The following RIMKLA variants were observed in gnomAD, a reference collection of about 807,000 sequenced individuals.
RIMKLA encodes N-acetylaspartylglutamate synthase A.
RIMKLA carries 14 observed loss-of-function variants against 32.7 expected under a neutral mutation model. That is an observed-to-expected ratio of 0.43 (90% CI 0.28 to 0.67). RIMKLA has a LOEUF of 0.67. RIMKLA is among the 30% of genes least tolerant of loss of function. The pLI is 0.18. For missense variants in RIMKLA, 410 were observed against 519.0 expected (o/e 0.79, Z 2.04); for synonymous variants, 176 against 204.1 (o/e 0.86, Z 1.18).
Position 42,420,088 on chromosome 1 carries a change from G to A in RIMKLA, c.*5114G>A, listed in dbSNP as rs1208438714. 6.6e-6 allele frequency: 1 copy of A among 152,156 alleles called. No individual in the cohort carries two copies. The highest frequency in any genetic ancestry group is 2.4e-5 in the African/African-American group (1 of 41,414). The allele number at this position is 152,156 out of a possible 1,614,324, so 9.4% of individuals were successfully genotyped here. ...GATTCATCCCTATTGTAACCCAAAT[G>A]TCAGCTGAGGGCTCCTTGCCTCTTG... On this transcript the variant is annotated 3_prime_UTR_variant, in exon 5 of 5. Coordinates refer to ENST00000431473, the MANE Select transcript of RIMKLA (RefSeq NM_173642.4).
In RIMKLA at chr1:42,419,813, G is replaced by A. The variant is rs1202269706; in HGVS notation, c.*4839G>A. ...ACTCTACCCCACACTTTCAGTGGTG[G>A]GATGTGAGGAAGAAAGCCCATGCCA... On this transcript the variant is annotated 3_prime_UTR_variant, in exon 5 of 5. Transcript: ENST00000431473. The A allele has an allele frequency of 1.3e-5, 2 of 152,192 alleles. No individual in the cohort carries two copies. Among genetic ancestry groups the A allele is most frequent in the African/African-American group, 2.4e-5 (1 of 41,442 alleles). 9.4% of individuals were successfully genotyped at this position (152,192 alleles called of 1,614,324 possible). A position where few individuals can be genotyped will look rare whatever the true frequency, so the allele number is the denominator to read the frequency against.
At chr1:42,410,289 A>G in intron 4 of RIMKLA, 102 bp downstream of exon 4, 4 of 920,398 alleles carry the variant, frequency 4.3e-6, no homozygotes, top group Non-Finnish European at 6.7e-6. Flanking sequence ...AGACACCAGG[A>G]TCTCACAGAT....
At chr1:42,404,666 A>G in intron 3 of RIMKLA, 69 bp downstream of exon 3, 1 of 991,196 alleles carries the variant, frequency 1.0e-6, no homozygotes, top group Non-Finnish European at 1.6e-6. Context: ...CCTGGACAAG[A>G]CACTCCTCAA....
chr1:42,391,162 G>A (rs1024618170), intron 1 of RIMKLA, among the ~76,000 whole-genome samples: 1 of 152,320 alleles, frequency 6.6e-6, no homozygotes, highest in Admixed American at 6.5e-5. Context: ...GGTAGCTGAG[G>A]TGGGATGGTG....
chr1:42,388,517 GT>G (rs35842187), intron 1 of RIMKLA, among the ~76,000 whole-genome samples: 58,152 of 131,682 alleles, frequency 0.44, 12,123 homozygotes, highest in Middle Eastern at 0.58. Context: ...CTGAAAGCTT[GT>G]TTTTTTTTTT....
At chr1:42,398,987 AAAAAG>A (rs1643071454) in intron 1 of RIMKLA, among the ~76,000 whole-genome samples, 1 of 151,512 alleles carries the variant, frequency 6.6e-6, no homozygotes, top group African/African-American at 2.4e-5. Flanking sequence ...AAAAAAAAAA[AAAAAG>A]GGCTATATAA....
At position 42,413,501 on chromosome 1, in the gene RIMKLA, CAAAAAAA is replaced by C. The variant is rs201462707; in HGVS notation, c.686-966_686-960del. ...CCTAGGTGACAGAGTAAGAGTCTCTCAAAAAAAAAAAAAAAAAAAAAAAGAAAGAAAA... is the reference window on the plus strand; with the variant it reads ...CCTAGGTGACAGAGTAAGAGTCTCTCAAAAAAAAAAAAAAAAGAAAGAAAA... On this transcript the variant is annotated intron_variant, in intron 4 of 4. Transcript: ENST00000431473. Among the ~76,000 whole-genome samples the C allele has an allele frequency of 8.1e-3, 1,018 of 125,504 alleles. 6 individuals carry two copies. Among genetic ancestry groups the C allele is most frequent in the East Asian group, 0.04 (132 of 3,332 alleles). 82.3% of individuals were successfully genotyped at this position (125,504 alleles called of 152,430 possible).
At chr1:42,405,651 A>G (rs1161893592) in intron 3 of RIMKLA, among the ~76,000 whole-genome samples, 2 of 152,236 alleles carry the variant, frequency 1.3e-5, no homozygotes, top group African/African-American at 2.4e-5. Context: ...CCATGTCTCA[A>G]AAAACAAAAA....
chr1:42,416,722 A>G lies in RIMKLA; in HGVS notation c.*1748A>G, dbSNP rs1473975765. 1 of 152,240 alleles carries G rather than the reference A, an allele frequency of 6.6e-6. No homozygotes were observed. The highest frequency in any genetic ancestry group is 6.5e-5 in the Admixed American group (1 of 15,286). The allele number at this position is 152,240 out of a possible 1,614,324, so 9.4% of individuals were successfully genotyped here. On this transcript the variant is annotated 3_prime_UTR_variant, in exon 5 of 5. Coordinates refer to ENST00000431473, the MANE Select transcript of RIMKLA (RefSeq NM_173642.4). ...ACCGTACTTACTCTGCCATAAATGT[A>G]AAATGTGTATAAAGTTAAGCTATTG...
intron 1 of RIMKLA, among the ~76,000 whole-genome samples, chr1:42,385,883 T>TTTCC (rs1273695154): frequency 1.6e-4 from 14 of 90,246 alleles, no homozygotes; most frequent in African/African-American, 6.0e-4. Flanking sequence ...TCTTTCTTTC[T>TTTCC]TTCTTTCTTT....
chr1:42,420,118 C>T lies in RIMKLA; in HGVS notation c.*5144C>T, dbSNP rs1643282622. The stretch of plus-strand genomic sequence containing the variant: ...CTGAGGGCTCCTTGCCTCTTGACAT[C>T]CAGAGAGGTCTGATAACTGGGCTCT... On this transcript the variant is annotated 3_prime_UTR_variant, in exon 5 of 5. Transcript: ENST00000431473. The T allele has an allele frequency of 1.3e-5, 2 of 152,344 alleles. No homozygotes were observed. The highest frequency in any genetic ancestry group is 6.5e-5 in the Admixed American group (1 of 15,298). The allele number at this position is 152,344 out of a possible 1,614,324, so 9.4% of individuals were successfully genotyped here.
rs1557757690 is a variant in RIMKLA at position 42,410,141 on chromosome 1, G to T, written c.639G>T (p.Met213Ile). ...TAGGGGGCCAGGTCATAGGCTCTAT[G>T]CTTCGCTGCTCCACTGATGGACGGA... ...VVVGGQVIGS[M>I]LRCSTDGRMQ... Residue 213 changes from methionine to isoleucine, a missense_variant, in exon 4 of 5, where the codon ATG becomes ATT. Transcript: ENST00000431473. The T allele has an allele frequency of 1.2e-6, 2 of 1,614,086 alleles. No homozygotes were observed. Among genetic ancestry groups the T allele is most frequent in the Non-Finnish European group, 1.7e-6 (2 of 1,180,046 alleles).
chr1:42,384,653 GTTTA>G (rs890678019), intron 1 of RIMKLA, among the ~76,000 whole-genome samples: 5 of 147,564 alleles, frequency 3.4e-5, no homozygotes, highest in Admixed American at 6.8e-5. Context: ...TATATATAGT[GTTTA>G]TTCTGTGCTG....
intron 3 of RIMKLA, among the ~76,000 whole-genome samples, chr1:42,406,094 C>G (rs1200948989): frequency 3.3e-5 from 5 of 152,200 alleles, no homozygotes; most frequent in African/African-American, 1.2e-4. Context: ...ATGCCAGGCA[C>G]TATTCCAGGC....
At chr1:42,392,667 G>C (rs899173613) in intron 1 of RIMKLA, among the ~76,000 whole-genome samples, 1 of 152,136 alleles carries the variant, frequency 6.6e-6, no homozygotes, top group African/African-American at 2.4e-5. Context: ...CTGAGTTGAT[G>C]TATAAACACT....
intron 4 of RIMKLA, among the ~76,000 whole-genome samples, chr1:42,411,035 TAAAG>T (rs1255546568): frequency 1.3e-5 from 2 of 152,150 alleles, no homozygotes. Flanking sequence ...CGTGGTCCCA[TAAAG>T]AAGACATGGG....
At chr1:42,396,236 CAAAAAAAAAAAA>C (rs11363612) in intron 1 of RIMKLA, among the ~76,000 whole-genome samples, 10 of 60,904 alleles carry the variant, frequency 1.6e-4, no homozygotes, top group African/African-American at 5.9e-4. Context: ...AACTCCATCT[CAAAAAAAAAAAA>C]AAAAAAAAAA....
intron 1 of RIMKLA, among the ~76,000 whole-genome samples, chr1:42,389,043 G>A (rs1397288033): frequency 1.3e-5 from 2 of 152,218 alleles, no homozygotes; most frequent in Admixed American, 6.5e-5. Context: ...AGACAAAGTG[G>A]TCAGGATTTG....
intron 4 of RIMKLA, 24 bp from the exon 5 acceptor site, chr1:42,414,460 T>A (rs764472229): frequency 1.2e-6 from 2 of 1,610,502 alleles, no homozygotes; most frequent in South Asian, 2.2e-5. Flanking sequence ...TTGTCACCTT[T>A]ACATCACTGT....
Sources: gnomAD v4.1 joint callset for allele counts (sites outside exome capture counted in the v4.1 genomes callset) on GRCh38, gnomAD v4.1.1 for gene constraint, MANE v1.5 for transcripts, NCBI Gene and HGNC (gene_info 2026-07-23, HGNC 2026-07-21) for gene names.